The following LMTK3 variants were observed in gnomAD, a reference collection of about 807,000 sequenced individuals.
LMTK3 encodes the protein serine/threonine-protein kinase LMTK3.
Under a neutral mutation model 116.7 loss-of-function variants are expected in LMTK3, and 27 were observed. That is an observed-to-expected ratio of 0.23 (90% CI 0.17 to 0.32). The LOEUF (loss-of-function observed/expected upper bound fraction) is 0.32, where lower values mean the gene tolerates loss of function less well. LMTK3 is among the 10% of genes least tolerant of loss of function. The probability of loss-of-function intolerance (pLI) is 1.00; values close to 1 mark genes in which losing one functional copy is unlikely to be tolerated. For missense variants in LMTK3, 1,764 were observed against 2,068.5 expected, an observed-to-expected ratio of 0.85 and a Z score of 2.86; for synonymous variants, 965 against 971.0, an observed-to-expected ratio of 0.99 and a Z score of 0.11.
Position 48,500,931 on chromosome 19 carries a change from G to C in LMTK3, c.1151+65C>G. The C allele has an allele frequency of 1.4e-6, 2 of 1,412,954 alleles. No individual in the cohort carries two copies. The highest frequency in any genetic ancestry group is 3.0e-5 in the South Asian group (2 of 67,176). 87.5% of individuals were successfully genotyped at this position (1,412,954 alleles called of 1,614,324 possible). ...ATGTGGGTGATGTGGGAAACGAGGGGGGATGCTGGGACCATCCTGGGTGGG... is the reference window on the plus strand; with the variant it reads ...ATGTGGGTGATGTGGGAAACGAGGGCGGATGCTGGGACCATCCTGGGTGGG... On this transcript the variant is annotated intron_variant, in intron 10 of 14. Coordinates refer to ENST00000600059, the MANE Select transcript of LMTK3 (RefSeq NM_001388485.1). The surrounding 1 kb of genome is among the most constrained non-coding windows in gnomAD (Gnocchi z 4.0).
rs550142173 is a variant in LMTK3, at chr19:48,486,866, G to A, written c.4367-1077C>T. On this transcript the variant is annotated intron_variant, in intron 14 of 14. Transcript: ENST00000600059. ...CTGTCCTTGTTTGTTTTTTGGGGGG[G>A]TTTTGCTTGTTTGTTTTGAGATGGA... Among the ~76,000 whole-genome samples, 7 of 150,322 alleles carry A rather than the reference G, an allele frequency of 4.7e-5. No homozygotes were observed. The South Asian group carries it at 8.5e-4, about 18-fold the overall frequency.
intron 12 of LMTK3, among the ~76,000 whole-genome samples, chr19:48,492,830 C>T (rs1216267906): frequency 6.6e-6 from 1 of 152,108 alleles, no homozygotes; most frequent in African/African-American, 2.4e-5. Flanking sequence ...TCTCTCCAGA[C>T]CTCTCCTCGC....
At chr19:48,505,310 C>T (rs1465189053) in intron 5 of LMTK3, among the ~76,000 whole-genome samples, 2 of 151,864 alleles carry the variant, frequency 1.3e-5, no homozygotes, top group Non-Finnish European at 2.9e-5. Context: ...GACGGGATTT[C>T]ACCATGTTGG....
chr19:48,502,851 G>T, intron 6 of LMTK3, 58 bp downstream of exon 6: 2 of 1,286,350 alleles, frequency 1.6e-6, no homozygotes, highest in Non-Finnish European at 2.2e-6. Flanking sequence ...CACCAGGCTT[G>T]GCCCCGGCCT....
Position 48,498,469 on chromosome 19 carries a change from C to G in LMTK3, c.2600G>C (p.Arg867Pro), listed in dbSNP as rs760405879. 2.5e-6 allele frequency: 4 copies of G among 1,601,756 alleles called. No individual in the cohort carries two copies. Among genetic ancestry groups the G allele is most frequent in the Non-Finnish European group, 1.7e-6 (2 of 1,174,298 alleles). The change falls in exon 11 of 15, where the codon CGG becomes CCG. Residue 867 changes from arginine to proline, a missense_variant. Arg to Pro is a moderately radical substitution (Grantham distance 103). This residue lies in a region of LMTK3 where 1,028 missense variants were observed against 1,050.6 expected (regional missense o/e 0.98). Coordinates refer to ENST00000600059, the MANE Select transcript of LMTK3 (RefSeq NM_001388485.1). ...CAGGAGGTTCCTTGTCACATCCTCC[C>G]GCAGGGACATCAGCAGCTGTTCCGT... ...VSTEQLLMSL[R>P]EDVTRNLLGE...
At chr19:48,489,446 G>A (rs1000763782) in intron 14 of LMTK3, among the ~76,000 whole-genome samples, 3 of 152,100 alleles carry the variant, frequency 2.0e-5, no homozygotes, top group Non-Finnish European at 4.4e-5. Flanking sequence ...GGTGGTGGGT[G>A]CCTGTAATTC....
intron 5 of LMTK3, 104 bp downstream of exon 5, chr19:48,508,747 C>A: frequency 1.1e-6 from 1 of 917,148 alleles, no homozygotes; most frequent in Non-Finnish European, 1.8e-6. Flanking sequence ...GCCAGAGCTG[C>A]ACAACCGGAA....
At chr19:48,512,182 G>A (rs1429304118), upstream of LMTK3, among the ~76,000 whole-genome samples, 1 of 152,070 alleles carries the variant, frequency 6.6e-6, no homozygotes, top group Non-Finnish European at 1.5e-5. Context: ...GCTGACACAC[G>A]TCGCAGGGAC....
Position 48,485,756 on chromosome 19 carries a change from G to T in LMTK3, c.*17C>A. The T allele has an allele frequency of 6.2e-7, 1 of 1,610,296 alleles. No individual in the cohort carries two copies. The highest frequency in any genetic ancestry group is 2.2e-5 in the East Asian group (1 of 44,744). ...ACCCCTCTTCTGAGGGTGCAGCGGG[G>T]TCGGGTCTTCGGGGAATCAATTCTC... On this transcript the variant is annotated 3_prime_UTR_variant, in exon 15 of 15. Coordinates refer to ENST00000600059, the MANE Select transcript of LMTK3 (RefSeq NM_001388485.1).
chr19:48,502,367 C>T (rs1182206443), intron 7 of LMTK3, 66 bp downstream of exon 7: 44 of 1,557,088 alleles, frequency 2.8e-5, no homozygotes, highest in Non-Finnish European at 3.7e-5. Flanking sequence ...TAGCCCCTCC[C>T]CTGAGGCCTC....
chr19:48,497,927 G>T lies in LMTK3; in HGVS notation c.3142C>A (p.Pro1048Thr). The change falls in exon 11 of 15, where the codon CCA (proline) becomes ACA (threonine). Residue 1048 changes from proline (P) to threonine (T), a missense_variant. Physicochemically the swap from Pro to Thr is conservative, Grantham distance 38 (BLOSUM62 -1). Transcript: ENST00000600059. This position sits in a 1 kb window ranked among gnomAD's most constrained non-coding sequence, Gnocchi z 5.7. Reference protein sequence around the residue: ...GPAPTIGEPAPETSLERAPAP... With the variant: ...GPAPTIGEPATETSLERAPAP... ...GGGGCTCTCTCCAGAGAGGTCTCTG[G>T]GGCTGGCTCCCCGATCGTGGGGGCT... is the stretch of plus-strand genomic sequence containing the variant. 1 of 1,535,330 alleles carries T rather than the reference G, an allele frequency of 6.5e-7. No homozygotes were observed. Among genetic ancestry groups the T allele is most frequent in the African/African-American group, 1.4e-5 (1 of 72,034 alleles).
At position 48,498,080 on chromosome 19, in the gene LMTK3, G is replaced by T. The variant is rs1207674716; in HGVS notation, c.2989C>A (p.Pro997Thr). 6.2e-7 allele frequency: 1 copy of T among 1,613,010 alleles called. No individual in the cohort carries two copies. Among genetic ancestry groups the T allele is most frequent in the East Asian group, 2.2e-5 (1 of 44,828 alleles). The part of the protein sequence containing the change: ...KVLVNGGLTP[P>T]KSEDKVSENG... Reference sequence around the variant, plus strand: ...TCTGACACCTTGTCCTCGCTCTTTGGGGGTGTCAGGCCCCCATTCACCAGC... The same window carrying T: ...TCTGACACCTTGTCCTCGCTCTTTGTGGGTGTCAGGCCCCCATTCACCAGC... The change falls in exon 11 of 15, where the codon CCA becomes ACA. Residue 997 changes from proline (P) to threonine (T), a missense_variant. Transcript: ENST00000600059.
At chr19:48,489,177 G>A (rs909459055) in intron 14 of LMTK3, among the ~76,000 whole-genome samples, 4 of 152,238 alleles carry the variant, frequency 2.6e-5, no homozygotes, top group Non-Finnish European at 5.9e-5. Context: ...AGGCTCACCC[G>A]TCTTGCTCCA....
At position 48,500,467 on chromosome 19, in the gene LMTK3, G is replaced by A. The variant is rs1972443280; in HGVS notation, c.1151+529C>T. ...GAGGGACAGAGACCCAGAGAGAGAGGGACAGAGACCCAGAGAGAGGGGGAC... is the reference window on the plus strand; with the variant it reads ...GAGGGACAGAGACCCAGAGAGAGAGAGACAGAGACCCAGAGAGAGGGGGAC... On this transcript the variant is annotated intron_variant, in intron 10 of 14. Transcript: ENST00000600059. This position sits in a 1 kb window ranked among gnomAD's most constrained non-coding sequence, Gnocchi z 4.0. 6.6e-6 allele frequency among the ~76,000 whole-genome samples: 1 copy of A among 151,730 alleles called. No homozygotes were observed. The highest frequency in any genetic ancestry group is 6.6e-5 in the Admixed American group (1 of 15,222).
chr19:48,498,577 C>T lies in LMTK3; in HGVS notation c.2492G>A (p.Gly831Glu). The change falls in exon 11 of 15, where the codon GGA (glycine) becomes GAA (glutamate). Residue 831 changes from glycine (G) to glutamate (E), a missense_variant. Physicochemically the swap from Gly to Glu is moderately conservative, Grantham distance 98. This residue lies in a region of LMTK3 where 1,028 missense variants were observed against 1,050.6 expected (regional missense o/e 0.98). Coordinates refer to ENST00000600059, the MANE Select transcript of LMTK3 (RefSeq NM_001388485.1). Reference protein sequence around the residue: ...PRAPPEPPDPGAPRPPPDPGP... With the variant: ...PRAPPEPPDPEAPRPPPDPGP... ...CGGGTCTGGAGGTGGCCGGGGCGCT[C>T]CTGGGTCGGGTGGCTCGGGGGGAGC... The T allele has an allele frequency of 6.4e-7, 1 of 1,554,610 alleles. No individual in the cohort carries two copies. The highest frequency in any genetic ancestry group is 8.7e-7 in the Non-Finnish European group (1 of 1,149,370).
Position 48,499,891 on chromosome 19 carries a change from C to T in LMTK3, c.1178G>A (p.Arg393Gln), listed in dbSNP as rs753538317. Residue 393 changes from arginine (R) to glutamine (Q), a missense_variant, in exon 11 of 15, where the codon CGG becomes CAG. Arg to Gln is a conservative substitution (Grantham distance 43). Around this residue, in one of 7 missense-constraint regions of LMTK3, gnomAD observed 271 missense variants for 478.2 expected, o/e 0.57. Transcript: ENST00000600059. The stretch of plus-strand genomic sequence containing the variant: ...GGCTGAAGGGCGCTGGGCAGGTGGC[C>T]GCCAGCAGGACTGAAGAATGTCATA... ...YWYDILQSCWRPPAQRPSASD... is the reference protein window; with the variant it reads ...YWYDILQSCWQPPAQRPSASD... 12 of 1,597,810 alleles carry T rather than the reference C, an allele frequency of 7.5e-6. No homozygotes were observed. The highest frequency in any genetic ancestry group is 7.7e-6 in the Non-Finnish European group (9 of 1,173,876).
chr19:48,512,302 C>G (rs906318662), upstream of LMTK3, among the ~76,000 whole-genome samples: 3 of 152,072 alleles, frequency 2.0e-5, no homozygotes, highest in Non-Finnish European at 4.4e-5. Context: ...CACAGGCAGG[C>G]CAGCTTCCAG....
In LMTK3 at chr19:48,493,880, GC is replaced by G; in HGVS notation, c.3905del (p.Gly1302AlafsTer14). On this transcript the variant is annotated frameshift_variant, in exon 12 of 15. Transcript: ENST00000600059. LOFTEE classifies it high-confidence loss of function. The part of the protein sequence containing the change: ...AAPGAAAGPR[G>X]PGRARAAPVP... ...CCGGGGCTGCTCGCGCCCTCCCGGG[GC>G]CCCGCGGCCCCGCCGCCGCGCCCGG... is the stretch of plus-strand genomic sequence containing the variant. The G allele has an allele frequency of 9.1e-7, 1 of 1,095,480 alleles. No homozygotes were observed. Among genetic ancestry groups the G allele is most frequent in the Non-Finnish European group, 1.1e-6 (1 of 903,242 alleles). The allele number at this position is 1,095,480 out of a possible 1,614,324, so 67.9% of individuals were successfully genotyped here.
rs867765414 is a variant in LMTK3, at chr19:48,500,285, G to T, written c.1152-368C>A. On this transcript the variant is annotated intron_variant, in intron 10 of 14. Transcript: ENST00000600059. The surrounding 1 kb of genome is among the most constrained non-coding windows in gnomAD (Gnocchi z 4.0). ...TAAAAATACAAAAAATTAGCCTAGC[G>T]TGGTGGCACCTGCCTGTAATCCCAG... Among the ~76,000 whole-genome samples the T allele has an allele frequency of 1.3e-5, 2 of 152,320 alleles. No individual in the cohort carries two copies. The highest frequency in any genetic ancestry group is 1.9e-4 in the East Asian group (1 of 5,180).
Sources: allele counts gnomAD v4.1 joint callset (sites outside exome capture counted in the v4.1 genomes callset), GRCh38; gene constraint gnomAD v4.1.1; regional missense constraint gnomAD v4.1.1; non-coding constraint Gnocchi (gnomAD v3.1); transcripts MANE v1.5; gene names NCBI Gene and HGNC (gene_info 2026-07-23, HGNC 2026-07-21).